CCT7: variants seen among roughly 807,000 people sequenced by gnomAD.
CCT7 encodes the protein T-complex protein 1 subunit eta.
CCT7 carries 16 observed loss-of-function variants against 56.6 expected under a neutral mutation model. The ratio of observed to expected loss-of-function variants is 0.28; its 90% confidence interval spans 0.19 to 0.43. The LOEUF (loss-of-function observed/expected upper bound fraction) is 0.43. CCT7 is among the 20% of genes least tolerant of loss of function. The pLI is 1.00. For missense variants in CCT7, 519 were observed against 685.6 expected (o/e 0.76, Z 2.71); for synonymous variants, 262 against 254.8 (o/e 1.03, Z -0.27).
rs778852713 is a variant in CCT7, at chr2:73,250,351, C to T, written c.1116C>T (p.Phe372=). The T allele has an allele frequency of 1.2e-6, 2 of 1,614,126 alleles. No homozygotes were observed. The highest frequency in any genetic ancestry group is 1.7e-6 in the Non-Finnish European group (2 of 1,180,008). ...TGCPKAKTCT[F]ILRGGAEQFM... ...GCCCCAAGGCCAAGACATGCACCTT[C>T]ATTCTCCGTGGCGGCGCCGAGCAGT... The change falls in exon 10 of 12, where the codon TTC becomes TTT. Residue 372 remains phenylalanine (F), a synonymous_variant. Transcript: ENST00000258091.
intron 3 of CCT7, among the ~76,000 whole-genome samples, 198 bp downstream of exon 3, chr2:73,240,741 A>G (rs556193175): frequency 1.3e-5 from 2 of 152,330 alleles, no homozygotes; most frequent in South Asian, 4.1e-4. Flanking sequence ...ATCCATTAAT[A>G]CATTGGTGAA....
chr2:73,239,381 A>G (rs1381799091), intron 1 of CCT7: 2 of 389,972 alleles, frequency 5.1e-6, no homozygotes, highest in African/African-American at 2.1e-5. Context: ...TGGAGAACTC[A>G]TGATTTTTTC....
At chr2:73,252,323 T>TTATATATATATATATATATATATA in intron 11 of CCT7, among the ~76,000 whole-genome samples, 1 of 108,494 alleles carries the variant, frequency 9.2e-6, no homozygotes, top group Non-Finnish European at 1.8e-5. Flanking sequence ...ACTCATTGTT[T>TTATATATATATATATATATATATA]GATATATATA....
At chr2:73,250,768 C>A (rs1248285414) in intron 10 of CCT7, among the ~76,000 whole-genome samples, 1 of 151,558 alleles carries the variant, frequency 6.6e-6, no homozygotes, top group Non-Finnish European at 1.5e-5. Flanking sequence ...GAGATCCTGT[C>A]TCTACAAAAA....
chr2:73,236,344 CTTT>C (rs1372969989), intron 1 of CCT7, among the ~76,000 whole-genome samples: 1 of 146,676 alleles, frequency 6.8e-6, no homozygotes, highest in Admixed American at 6.8e-5. Flanking sequence ...GTTTCTTTTT[CTTT>C]TTTTTTTTTC....
At chr2:73,241,129 A>G (rs761097689) in intron 3 of CCT7, among the ~76,000 whole-genome samples, 21 of 150,610 alleles carry the variant, frequency 1.4e-4, no homozygotes, top group African/African-American at 3.9e-4. Flanking sequence ...TAACCAGTCT[A>G]TCTTTTAAAA....
rs944478913 is a variant in CCT7, at chr2:73,252,636, T to C, written c.1411-4T>C. On this transcript the variant is annotated splice_region_variant and splice_polypyrimidine_tract_variant and intron_variant, in intron 11 of 11. Transcript: ENST00000258091. ...TTACCTCCTTTCTTTTCCTACTCTT[T>C]TAGGGGGGTACATGGTATGGAGTAG... 1 of 1,611,548 alleles carries C rather than the reference T, an allele frequency of 6.2e-7. No individual in the cohort carries two copies. Among genetic ancestry groups the C allele is most frequent in the African/African-American group, 1.3e-5 (1 of 74,974 alleles).
In CCT7 at chr2:73,248,972, CT is replaced by C; in HGVS notation, c.784-15del. 6.2e-7 allele frequency: 1 copy of C among 1,601,614 alleles called. No homozygotes were observed. Among genetic ancestry groups the C allele is most frequent in the Non-Finnish European group, 8.5e-7 (1 of 1,171,794 alleles). On this transcript the variant is annotated intron_variant, in intron 7 of 11. Transcript: ENST00000258091. ...ACCTTCACCCCAAAGCATTCTCATC[CT>C]TTTCTGGGTCTCTCCAGGATTATCA...
At chr2:73,236,697 A>G (rs903736218) in intron 1 of CCT7, among the ~76,000 whole-genome samples, 1 of 152,212 alleles carries the variant, frequency 6.6e-6, no homozygotes, top group African/African-American at 2.4e-5. Flanking sequence ...TAACTAAGGG[A>G]TGGAAACTGG....
chr2:73,235,377 C>T lies in CCT7; in HGVS notation c.6+993C>T, dbSNP rs1686833325. On this transcript the variant is annotated intron_variant, in intron 1 of 11. Coordinates refer to ENST00000258091, the MANE Select transcript of CCT7 (RefSeq NM_006429.4). Reference sequence around the variant, plus strand: ...TTGGCAGTTCACTTATTCATTTTGGCCTGTCCGACTCTATCTTCTGCTCTT... The same window carrying T: ...TTGGCAGTTCACTTATTCATTTTGGTCTGTCCGACTCTATCTTCTGCTCTT... Among the ~76,000 whole-genome samples the T allele has an allele frequency of 2.6e-5, 4 of 152,312 alleles. No individual in the cohort carries two copies. In the South Asian group the frequency reaches 8.3e-4, roughly 32 times the overall value.
intron 3 of CCT7, among the ~76,000 whole-genome samples, chr2:73,242,072 G>A (rs376754445): frequency 1.4e-4 from 21 of 151,400 alleles, no homozygotes; most frequent in African/African-American, 5.1e-4. Context: ...AAAGAACTTT[G>A]GCTGGTCCTA....
intron 3 of CCT7, among the ~76,000 whole-genome samples, chr2:73,241,992 C>T (rs1470826279): frequency 1.3e-5 from 2 of 152,040 alleles, no homozygotes; most frequent in East Asian, 3.9e-4. Context: ...CAGCCCGCCT[C>T]GGCCTCCCCA....
At chr2:73,237,366 T>G (rs1686926375) in intron 1 of CCT7, among the ~76,000 whole-genome samples, 1 of 152,212 alleles carries the variant, frequency 6.6e-6, no homozygotes, top group African/African-American at 2.4e-5. Context: ...AGTTAACCTG[T>G]TGAGGTGAAA....
chr2:73,249,240 C>A, intron 8 of CCT7, 61 bp downstream of exon 8: 1 of 1,352,748 alleles, frequency 7.4e-7, no homozygotes. Context: ...TTTCACTGAC[C>A]CCTGGTATAA....
rs1334087960 is a variant in CCT7 at position 73,251,240 on chromosome 2, G to C, written c.1218G>C (p.Val406=). The C allele has an allele frequency of 1.2e-6, 2 of 1,614,054 alleles. No individual in the cohort carries two copies. The highest frequency in any genetic ancestry group is 1.7e-6 in the Non-Finnish European group (2 of 1,180,032). ...VRRAIKNDSV[V]AGGGAIEMEL... is the part of the protein sequence containing the mutation. ...GATCTCTGCAGAATGATTCAGTGGT[G>C]GCTGGTGGCGGGGCCATTGAGATGG... Residue 406 remains valine, a synonymous_variant, in exon 11 of 12, where the codon GTG becomes GTC. Coordinates refer to ENST00000258091, the MANE Select transcript of CCT7 (RefSeq NM_006429.4).
rs368350273 is a variant in CCT7, at chr2:73,252,635, T to C, written c.1411-5T>C. The C allele has an allele frequency of 6.2e-6, 10 of 1,610,404 alleles. No individual in the cohort carries two copies. The highest frequency in any genetic ancestry group is 8.5e-6 in the Non-Finnish European group (10 of 1,176,870). On this transcript the variant is annotated splice_region_variant and splice_polypyrimidine_tract_variant and intron_variant, in intron 11 of 11. Coordinates refer to ENST00000258091, the MANE Select transcript of CCT7 (RefSeq NM_006429.4). ...ATTACCTCCTTTCTTTTCCTACTCT[T>C]TTAGGGGGGTACATGGTATGGAGTA...
At position 73,247,865 on chromosome 2, in the gene CCT7, A is replaced by G; in HGVS notation, c.722A>G (p.Asn241Ser). The change falls in exon 7 of 12, where the codon AAT (asparagine) becomes AGT (serine). Residue 241 changes from asparagine to serine, a missense_variant. Around this residue, in one of 3 missense-constraint regions of CCT7, gnomAD observed 276 missense variants for 357.3 expected, o/e 0.77. Transcript: ENST00000258091. ...KYHNPKIALL[N>S]VELELKAEKD... ...CACAATCCCAAGATTGCCCTTTTGA[A>G]TGTCGAGCTCGAGTTGAAAGCTGAG... The G allele has an allele frequency of 1.2e-6, 2 of 1,614,194 alleles. No individual in the cohort carries two copies. The highest frequency in any genetic ancestry group is 1.7e-6 in the Non-Finnish European group (2 of 1,180,034).
chr2:73,251,748 G>C (rs1260390735), intron 11 of CCT7, among the ~76,000 whole-genome samples: 1 of 152,204 alleles, frequency 6.6e-6, no homozygotes, highest in African/African-American at 2.4e-5. Context: ...GACCAGCCTG[G>C]CCAACATAGT....
At chr2:73,251,550 C>G (rs1687583781) in intron 11 of CCT7, 118 bp downstream of exon 11, 2 of 847,604 alleles carry the variant, frequency 2.4e-6, no homozygotes, top group South Asian at 3.3e-5. Flanking sequence ...GCAACTCCCC[C>G]CAGCCTGTCT....
Sources: allele counts gnomAD v4.1 joint callset (sites outside exome capture counted in the v4.1 genomes callset), GRCh38; gene constraint gnomAD v4.1.1; regional missense constraint gnomAD v4.1.1; transcripts MANE v1.5; gene names NCBI Gene and HGNC (gene_info 2026-07-23, HGNC 2026-07-21).